The following BLTP1 variants were observed in gnomAD, a reference collection of about 807,000 sequenced individuals.
BLTP1 encodes the protein fragile site-associated protein.
the BLTP1 span, chr4:122,212,105 G>A: frequency 1.0e-6 from 1 of 982,332 alleles, no homozygotes; most frequent in Non-Finnish European, 1.2e-6. Context: ...GGTTGGACAG[G>A]GAAGCACAAT....
chr4:122,244,885 T>A, the BLTP1 span: 1 of 1,155,100 alleles, frequency 8.7e-7, no homozygotes, highest in East Asian at 2.6e-5. Context: ...AATATGTGGC[T>A]TAGACATTCT....
At chr4:122,303,142 G>C in the BLTP1 span, among the ~76,000 whole-genome samples, 3 of 152,168 alleles carry the variant, frequency 2.0e-5, no homozygotes, top group African/African-American at 4.8e-5. Flanking sequence ...GTCAAATGCA[G>C]CTGGTGACTT....
At chr4:122,152,335 T>A in the BLTP1 span, 1 of 985,610 alleles carries the variant, frequency 1.0e-6, no homozygotes. Context: ...GCAGGCGCAG[T>A]GCCGCCCGGC....
chr4:122,219,083 T>C, the BLTP1 span: 4 of 934,566 alleles, frequency 4.3e-6, no homozygotes, highest in Non-Finnish European at 3.8e-6. Context: ...TTTGCTGTAA[T>C]TGGGGCAATG....
At chr4:122,302,818 C>A in the BLTP1 span, among the ~76,000 whole-genome samples, 1 of 152,162 alleles carries the variant, frequency 6.6e-6, no homozygotes, top group African/African-American at 2.4e-5. Flanking sequence ...CCACAACATT[C>A]CCCTAAGCTA....
chr4:122,290,973 G>A, the BLTP1 span: 11 of 871,956 alleles, frequency 1.3e-5, no homozygotes, highest in Non-Finnish European at 1.5e-5. Context: ...AACAAGTGTT[G>A]TGGAGTTCCT....
the BLTP1 span, chr4:122,307,471 T>C: frequency 6.1e-6 from 6 of 985,228 alleles, no homozygotes; most frequent in Non-Finnish European, 7.2e-6. Context: ...TGCTGTGAAA[T>C]GAAGGTTTTC....
chr4:122,239,554 C>T, the BLTP1 span: 4 of 1,609,690 alleles, frequency 2.5e-6, no homozygotes, highest in Non-Finnish European at 3.4e-6. Context: ...CCTGTGTCTC[C>T]TAATACTCAG....
chr4:122,326,299 G>A, the BLTP1 span, among the ~76,000 whole-genome samples: 3 of 151,642 alleles, frequency 2.0e-5, no homozygotes, highest in Admixed American at 2.0e-4. Context: ...ATTAATAATT[G>A]AACATTCTTT....
chr4:122,182,262 A>G, the BLTP1 span, among the ~76,000 whole-genome samples: 1 of 152,132 alleles, frequency 6.6e-6, no homozygotes, highest in African/African-American at 2.4e-5. Flanking sequence ...TATTTAAGCT[A>G]TTTCTGTTAA....
chr4:122,293,151 C>A, the BLTP1 span: 1 of 978,388 alleles, frequency 1.0e-6, no homozygotes, highest in Non-Finnish European at 1.2e-6. Flanking sequence ...TATATTTATG[C>A]CATACTATGA....
chr4:122,263,424 G>A, the BLTP1 span: 1 of 1,572,276 alleles, frequency 6.4e-7, no homozygotes, highest in Non-Finnish European at 8.6e-7. Flanking sequence ...ATTATACTCA[G>A]AAACATTTTA....
chr4:122,343,586 C>G, the BLTP1 span: 1 of 1,613,916 alleles, frequency 6.2e-7, no homozygotes, highest in South Asian at 1.1e-5. Flanking sequence ...TGTTTCTGGC[C>G]TCACACCTGG....
At chr4:122,332,115 G>A in the BLTP1 span, among the ~76,000 whole-genome samples, 1,043 of 151,786 alleles carry the variant, frequency 6.9e-3, 12 homozygotes, top group African/African-American at 0.024. Flanking sequence ...ATAATTGAGC[G>A]GATGGGTGGA....
the BLTP1 span, chr4:122,246,858 A>G: frequency 3.1e-6 from 5 of 1,588,036 alleles, no homozygotes; most frequent in Admixed American, 5.2e-5. Flanking sequence ...TGCTGGATGT[A>G]AAAGCAAGCC....
At chr4:122,349,694 AT>A in the BLTP1 span, 4 of 1,554,926 alleles carry the variant, frequency 2.6e-6, no homozygotes, top group Admixed American at 7.5e-5. This position sits in a 1 kb window ranked among gnomAD's most constrained non-coding sequence, Gnocchi z 4.5. Context: ...TTCTCAACAT[AT>A]TGTCTATCAT....
the BLTP1 span, chr4:122,190,478 TCTTG>T: frequency 4.4e-6 from 4 of 912,362 alleles, no homozygotes; most frequent in East Asian, 1.2e-4. Context: ...TTTTAAATCT[TCTTG>T]CTTAGCCATC....
At chr4:122,209,019 TAAAATA>T in the BLTP1 span, 1 of 649,170 alleles carries the variant, frequency 1.5e-6, no homozygotes, top group African/African-American at 2.0e-5. Flanking sequence ...AATAATACAA[TAAAATA>T]AAAATAAATA....
the BLTP1 span, chr4:122,281,300 C>T: frequency 8.2e-6 from 8 of 978,994 alleles, no homozygotes; most frequent in African/African-American, 1.2e-4. Context: ...TAAGAATCAC[C>T]TTCACAGTAT....
Sources: gnomAD v4.1 joint callset for allele counts (sites outside exome capture counted in the v4.1 genomes callset) on GRCh38, gnomAD v4.1.1 for gene constraint, Gnocchi (gnomAD v3.1) non-coding constraint, MANE v1.5 for transcripts, NCBI Gene and HGNC (gene_info 2026-07-23, HGNC 2026-07-21) for gene names.